Variants in KNTC1 observed in about 807,000 individuals in gnomAD.
KNTC1 encodes the protein kinetochore-associated protein 1.
Under a neutral mutation model 314.4 loss-of-function variants are expected in KNTC1, and 253 were observed. The observed-to-expected ratio is 0.80, with a 90% CI of 0.73 to 0.89. The LOEUF (loss-of-function observed/expected upper bound fraction) is 0.89, where lower values mean the gene tolerates loss of function less well. Among genes scored for constraint, KNTC1 ranks in the 40% least tolerant of loss-of-function variants. KNTC1 has a pLI of 0.00. For missense variants in KNTC1, 2,475 were observed against 2,572.9 expected (o/e 0.96, Z 0.82); for synonymous variants, 901 against 901.4 (o/e 1.00, Z 0.01).
At chr12:122,596,330 G>T (rs1206519307) in intron 43 of KNTC1, among the ~76,000 whole-genome samples, 1 of 151,810 alleles carries the variant, frequency 6.6e-6, no homozygotes, top group African/African-American at 2.4e-5. Flanking sequence ...CAATCCACCC[G>T]TCTCGACCTC....
chr12:122,557,490 A>G lies in KNTC1; in HGVS notation c.1379A>G (p.Glu460Gly). ...CAACAACTTGTAGACGACGCTAAGG[A>G]AAATCTACATAAGATCCAGGTATGT... Reference protein sequence around the residue: ...EWQQLVDDAKENLHKIQDDEF... With the variant: ...EWQQLVDDAKGNLHKIQDDEF... The change falls in exon 17 of 64, where the codon GAA (glutamate) becomes GGA (glycine). Residue 460 changes from glutamate to glycine, a missense_variant. Coordinates refer to ENST00000333479, the MANE Select transcript of KNTC1 (RefSeq NM_014708.6). 1 of 1,613,784 alleles carries G rather than the reference A, an allele frequency of 6.2e-7. No individual in the cohort carries two copies. Among genetic ancestry groups the G allele is most frequent in the Non-Finnish European group, 8.5e-7 (1 of 1,179,782 alleles).
chr12:122,608,293 A>T (rs941380188), intron 51 of KNTC1, among the ~76,000 whole-genome samples: 1 of 151,942 alleles, frequency 6.6e-6, no homozygotes, highest in African/African-American at 2.4e-5. Flanking sequence ...TGCCCGGCTA[A>T]TTTTTTTAGT....
Position 122,605,037 on chromosome 12 carries a change from A to G in KNTC1, c.5336A>G (p.His1779Arg). 4.3e-6 allele frequency: 7 copies of G among 1,613,204 alleles called. No individual in the cohort carries two copies. Among genetic ancestry groups the G allele is most frequent in the Non-Finnish European group, 5.9e-6 (7 of 1,179,628 alleles). ...PAHLIVSLYEHPSINQRIQNS... is the reference protein window; with the variant it reads ...PAHLIVSLYERPSINQRIQNS... The stretch of plus-strand genomic sequence containing the variant: ...CATCTTATTGTCAGTCTCTACGAAC[A>G]TCCTAGCATCAATCAAAGAATTCAG... Residue 1779 changes from histidine (H) to arginine (R), a missense_variant, in exon 50 of 64, where the codon CAT (histidine) becomes CGT (arginine). By Grantham distance (29) the His-to-Arg change is conservative (BLOSUM62 0). Transcript: ENST00000333479.
At chr12:122,559,878 C>A (rs1009436671) in intron 18 of KNTC1, among the ~76,000 whole-genome samples, 1 of 152,128 alleles carries the variant, frequency 6.6e-6, no homozygotes, top group Non-Finnish European at 1.5e-5. Context: ...CCCGGCCTAT[C>A]TTAAGCATTT....
intron 44 of KNTC1, among the ~76,000 whole-genome samples, chr12:122,600,023 A>G (rs1159493510): frequency 6.6e-6 from 1 of 152,170 alleles, no homozygotes; most frequent in Non-Finnish European, 1.5e-5. Flanking sequence ...TGTGTCAAAA[A>G]TAAAAAGGAA....
chr12:122,549,201 C>T (rs893268500), intron 12 of KNTC1, among the ~76,000 whole-genome samples: 14 of 150,864 alleles, frequency 9.3e-5, no homozygotes, highest in Non-Finnish European at 2.1e-4. Flanking sequence ...TACAGATGTG[C>T]ACCACTATGT....
intron 37 of KNTC1, 112 bp downstream of exon 37, chr12:122,585,886 G>C: frequency 1.1e-6 from 1 of 908,108 alleles, no homozygotes; most frequent in Non-Finnish European, 1.7e-6. Flanking sequence ...CCTTATAAGC[G>C]TAATGTGGAG....
intron 53 of KNTC1, chr12:122,611,117 T>C (rs1873070835): frequency 3.7e-6 from 2 of 542,870 alleles, no homozygotes; most frequent in East Asian, 6.4e-5. Context: ...TGCTGAATGG[T>C]GCACCTATTG....
chr12:122,533,195 CTT>C (rs1961516451), intron 2 of KNTC1, among the ~76,000 whole-genome samples: 1 of 148,980 alleles, frequency 6.7e-6, no homozygotes, highest in South Asian at 2.1e-4. Flanking sequence ...GAGGCAGAGT[CTT>C]GCTCTGTTGC....
chr12:122,565,583 G>A (rs1305195497), intron 20 of KNTC1, among the ~76,000 whole-genome samples: 1 of 150,982 alleles, frequency 6.6e-6, no homozygotes, highest in Admixed American at 6.6e-5. Context: ...ATTACCCACC[G>A]CAAGATTAAA....
intron 52 of KNTC1, 74 bp downstream of exon 52, chr12:122,609,504 A>G: frequency 1.9e-6 from 2 of 1,038,724 alleles, no homozygotes; most frequent in Non-Finnish European, 2.8e-6. Context: ...ATTTTTCAGC[A>G]GTTGATTTTT....
intron 5 of KNTC1, among the ~76,000 whole-genome samples, chr12:122,541,318 T>TTCCTTCCG (rs1198101986): frequency 6.9e-6 from 1 of 145,506 alleles, no homozygotes; most frequent in Non-Finnish European, 1.5e-5. Flanking sequence ...CCTTCCTTCC[T>TTCCTTCCG]TCCTTCCGTC....
chr12:122,584,102 C>T (rs926128177), intron 34 of KNTC1, among the ~76,000 whole-genome samples, 176 bp from the exon 35 acceptor site: 12 of 152,104 alleles, frequency 7.9e-5, no homozygotes, highest in African/African-American at 2.4e-4. Context: ...CCTGCCTAGG[C>T]GATAGGGCTA....
intron 37 of KNTC1, 150 bp downstream of exon 37, chr12:122,585,924 T>A: frequency 1.4e-6 from 1 of 708,616 alleles, no homozygotes; most frequent in Non-Finnish European, 2.4e-6. Flanking sequence ...AAAGAATAAA[T>A]ACTGTGTGAT....
chr12:122,597,800 C>T lies in KNTC1; in HGVS notation c.4425C>T (p.Ala1475=), dbSNP rs746763271. ...AAACGCTGCTCCACAACACAAATGC[C>T]GGCCAAGGCCAGGGAGATGCAAGCA... ...FIETLLHNTN[A]GQGQGDASMD... The change falls in exon 44 of 64, where the codon GCC becomes GCT. Residue 1475 remains alanine (A), a synonymous_variant. Coordinates refer to ENST00000333479, the MANE Select transcript of KNTC1 (RefSeq NM_014708.6). 185 of 1,613,848 alleles carry T rather than the reference C, an allele frequency of 1.1e-4. No homozygotes were observed. Among genetic ancestry groups the T allele is most frequent in the Non-Finnish European group, 1.5e-4 (179 of 1,179,882 alleles).
rs1215552863 is a variant in KNTC1, at chr12:122,538,393, G to T, written c.305G>T (p.Gly102Val). 1 of 1,606,470 alleles carries T rather than the reference G, an allele frequency of 6.2e-7. No individual in the cohort carries two copies. Among genetic ancestry groups the T allele is most frequent in the East Asian group, 2.2e-5 (1 of 44,714 alleles). ...LCQEGKFLLV[G>V]ERSGNLHLIH... ...CAAGAAGGAAAGTTTCTTTTGGTTG[G>T]CGAGAGAAGTGGCAACCTACATCTT... Residue 102 changes from glycine (G) to valine (V), a missense_variant, in exon 4 of 64, where the codon GGC becomes GTC. By Grantham distance (109) the Gly-to-Val change is moderately radical. Coordinates refer to ENST00000333479, the MANE Select transcript of KNTC1 (RefSeq NM_014708.6).
chr12:122,554,984 G>T (rs1963480008), intron 16 of KNTC1, among the ~76,000 whole-genome samples: 1 of 152,154 alleles, frequency 6.6e-6, no homozygotes, highest in Non-Finnish European at 1.5e-5. Context: ...GTTCCAGGCT[G>T]CAGTGAGCTA....
chr12:122,565,340 A>C, intron 20 of KNTC1, among the ~76,000 whole-genome samples: 1 of 149,948 alleles, frequency 6.7e-6, no homozygotes. Flanking sequence ...GGCTAGTCTC[A>C]AATTCCTGGG....
chr12:122,539,693 T>G lies in KNTC1; in HGVS notation c.384T>G (p.Ala128=). The part of the protein sequence containing the change: ...TLLTNAFVQK[A]NDENRRTYQN... The stretch of plus-strand genomic sequence containing the variant: ...GCATTTAGGCATTTGTTCAGAAAGC[T>G]AACGATGAAAATCGGCGGACTTACC... Residue 128 remains alanine, a synonymous_variant, in exon 5 of 64, where the codon GCT becomes GCG. Coordinates refer to ENST00000333479, the MANE Select transcript of KNTC1 (RefSeq NM_014708.6). 1.3e-6 allele frequency: 2 copies of G among 1,577,524 alleles called. No individual in the cohort carries two copies. The highest frequency in any genetic ancestry group is 4.6e-5 in the East Asian group (2 of 43,546).
Sources: gnomAD v4.1 joint callset for allele counts (sites outside exome capture counted in the v4.1 genomes callset) on GRCh38, gnomAD v4.1.1 for gene constraint, MANE v1.5 for transcripts, NCBI Gene and HGNC (gene_info 2026-07-23, HGNC 2026-07-21) for gene names.